DMD: variants seen among roughly 807,000 people sequenced by gnomAD.
The protein encoded by DMD is mutant dystrophin.
A neutral mutation model predicts 330.1 loss-of-function variants in DMD; 63 were observed. The ratio of observed to expected loss-of-function variants is 0.19; its 90% confidence interval spans 0.16 to 0.24. DMD has a LOEUF of 0.24. DMD is among the 10% of genes least tolerant of loss of function. DMD has a pLI of 1.00. For synonymous variants in DMD, 1,223 were observed against 959.8 expected (o/e 1.27, Z -5.07); for missense variants, 3,344 against 2,684.1 (o/e 1.25, Z -5.43).
At chrX:31,917,375 A>T (rs776470344) in intron 47 of DMD, among the ~76,000 whole-genome samples, 1 of 112,352 alleles carries the variant, frequency 8.9e-6, no homozygotes, top group Non-Finnish European at 1.9e-5. Flanking sequence ...ATGATCCAAC[A>T]TCTAAATAAA....
intron 60 of DMD, among the ~76,000 whole-genome samples, chrX:31,403,314 T>A (rs1458881935): frequency 8.9e-6 from 1 of 111,960 alleles, no homozygotes; most frequent in Non-Finnish European, 1.9e-5. Flanking sequence ...GATGAGAGCA[T>A]GTAGTATCTG....
intron 45 of DMD, among the ~76,000 whole-genome samples, chrX:31,962,866 T>C (rs2095319170): frequency 9.0e-6 from 1 of 111,195 alleles, no homozygotes; most frequent in South Asian, 3.7e-4. Flanking sequence ...GGGGGCAAAA[T>C]GTGAATGTGT....
intron 51 of DMD, among the ~76,000 whole-genome samples, chrX:31,740,654 T>TA (rs750138994): frequency 3.6e-5 from 4 of 111,531 alleles, no homozygotes; most frequent in Non-Finnish European, 7.5e-5. Context: ...ACATTACTCC[T>TA]AAAAAAAATG....
chrX:32,994,909 C>CT (rs1300904366), intron 2 of DMD, among the ~76,000 whole-genome samples: 6 of 111,972 alleles, frequency 5.4e-5, no homozygotes, highest in African/African-American at 1.6e-4. Context: ...GCTATGGAGT[C>CT]TGAGACCAGC....
At chrX:33,152,039 G>A (rs891190655) in intron 1 of DMD, among the ~76,000 whole-genome samples, 2 of 111,578 alleles carry the variant, frequency 1.8e-5, no homozygotes, top group Admixed American at 9.5e-5. Flanking sequence ...TAGATTTGCT[G>A]TACTACTGAC....
chrX:31,139,472 T>TACACAC (rs201931479), intron 76 of DMD, among the ~76,000 whole-genome samples: 999 of 83,439 alleles, frequency 0.012, 21 homozygotes, highest in African/African-American at 0.038. Context: ...GTGGTGTTTA[T>TACACAC]ATACACACAC....
At chrX:33,222,324 G>A (rs1044055684) in intron 1 of DMD, among the ~76,000 whole-genome samples, 9 of 111,764 alleles carry the variant, frequency 8.1e-5, no homozygotes, top group African/African-American at 1.3e-4. Flanking sequence ...TGTACTAAAA[G>A]CATTTGACAA....
chrX:32,467,516 G>C (rs1414337415), intron 23 of DMD, among the ~76,000 whole-genome samples: 2 of 109,465 alleles, frequency 1.8e-5, no homozygotes, highest in African/African-American at 3.3e-5. Context: ...GATAAAATAA[G>C]TTATTACTAT....
chrX:31,315,348 A>G (rs1029164836), intron 62 of DMD, among the ~76,000 whole-genome samples: 6 of 112,090 alleles, frequency 5.4e-5, no homozygotes, highest in African/African-American at 1.9e-4. Context: ...GCCAATTAAC[A>G]TTTCTTAAGC....
At chrX:32,784,428 G>T (rs1041367896) in intron 7 of DMD, among the ~76,000 whole-genome samples, 1 of 111,821 alleles carries the variant, frequency 8.9e-6, no homozygotes, top group African/African-American at 3.2e-5. Context: ...AATGACTTTT[G>T]CTTATGTTAG....
chrX:33,262,748 A>G (rs776241237), intron 1 of DMD, among the ~76,000 whole-genome samples: 2 of 111,192 alleles, frequency 1.8e-5, no homozygotes, highest in South Asian at 7.5e-4. Flanking sequence ...AATAATTCAC[A>G]AAATTATTCA....
At chrX:32,319,733 T>G (rs2097601317) in intron 41 of DMD, among the ~76,000 whole-genome samples, 1 of 110,986 alleles carries the variant, frequency 9.0e-6, no homozygotes, top group African/African-American at 3.3e-5. Context: ...AAGCAATTAT[T>G]TGAGGTAATG....
At position 32,355,519 on chromosome X, in the gene DMD, T is replaced by C. The variant is rs181701022; in HGVS notation, c.5326-6991A>G. ...AAATGTTATGCTAACAAGACCCAGA[T>C]AGTTTTATCAAATGACACTGCTCAC... On this transcript the variant is annotated intron_variant, in intron 37 of 78. Coordinates refer to ENST00000357033, the MANE Select transcript of DMD (RefSeq NM_004006.3). Among the ~76,000 whole-genome samples the C allele has an allele frequency of 8.6e-3, 967 of 111,949 alleles. 37 individuals are homozygous for C. The highest frequency in any genetic ancestry group is 0.079 in the Admixed American group (832 of 10,490).
chrX:32,415,283 A>G (rs1350243993), intron 29 of DMD, among the ~76,000 whole-genome samples: 1 of 112,165 alleles, frequency 8.9e-6, no homozygotes, highest in Non-Finnish European at 1.9e-5. Flanking sequence ...TATGAGCTGA[A>G]AGGAACAGTG....
chrX:32,303,400 A>T (rs1039054468), intron 42 of DMD, among the ~76,000 whole-genome samples: 1 of 110,740 alleles, frequency 9.0e-6, no homozygotes, highest in East Asian at 2.8e-4. Context: ...AACAAACAAG[A>T]TACTAATTTT....
At chrX:32,580,784 C>G (rs1342982078) in intron 13 of DMD, among the ~76,000 whole-genome samples, 1 of 111,324 alleles carries the variant, frequency 9.0e-6, no homozygotes, top group African/African-American at 3.3e-5. Flanking sequence ...AAAATTTTTA[C>G]CTTTACAATT....
At chrX:32,648,585 A>G (rs1399203961) in intron 9 of DMD, among the ~76,000 whole-genome samples, 1 of 112,066 alleles carries the variant, frequency 8.9e-6, no homozygotes, top group Non-Finnish European at 1.9e-5. Flanking sequence ...AGGTGAGATT[A>G]AACTTTTTTC....
At chrX:31,801,585 C>G (rs1007896322) in intron 50 of DMD, among the ~76,000 whole-genome samples, 1 of 77,648 alleles carries the variant, frequency 1.3e-5, no homozygotes, top group Admixed American at 1.4e-4. Flanking sequence ...CCTCATCCCC[C>G]CCCCCCAACA....
rs774297349 is a variant in DMD, at chrX:31,321,538, C to T, written c.9224+2060G>A. On this transcript the variant is annotated intron_variant, in intron 62 of 78. Coordinates refer to ENST00000357033, the MANE Select transcript of DMD (RefSeq NM_004006.3). ...GGCAGGGGTTGCAGTGAGCCGAGAT[C>T]GGGCCACTGCACTCCAGCCTGGGCA... is the stretch of plus-strand genomic sequence containing the variant. Among the ~76,000 whole-genome samples, 3 of 88,533 alleles carry T rather than the reference C, an allele frequency of 3.4e-5. No individual in the cohort carries two copies. In the South Asian group the frequency reaches 2.1e-3, roughly 62 times the overall value. The allele number at this position is 88,533 out of a possible 115,157, so 76.9% of individuals were successfully genotyped here.
Sources: allele counts gnomAD v4.1 joint callset (sites outside exome capture counted in the v4.1 genomes callset), GRCh38; gene constraint gnomAD v4.1.1; transcripts MANE v1.5; gene names NCBI Gene and HGNC (gene_info 2026-07-23, HGNC 2026-07-21).